Variants in MAML2 observed in about 807,000 individuals in gnomAD.
MAML2 encodes the protein mastermind-like protein 2.
MAML2 carries 22 observed loss-of-function variants against 96.1 expected under a neutral mutation model. The observed-to-expected ratio is 0.23, with a 90% confidence interval of 0.16 to 0.33. The LOEUF (loss-of-function observed/expected upper bound fraction) is 0.33. Ranked by LOEUF, MAML2 falls within the 10% of genes least tolerant of loss-of-function variation. The probability of loss-of-function intolerance (pLI) is 1.00; values close to 1 mark genes in which losing one functional copy is unlikely to be tolerated. For missense variants in MAML2, 1,367 were observed against 1,392.4 expected, an observed-to-expected ratio of 0.98 and a Z score of 0.29; for synonymous variants, 561 against 521.3, an observed-to-expected ratio of 1.08 and a Z score of -1.04.
At chr11:96,156,753 C>T (rs1861017045) in intron 1 of MAML2, among the ~76,000 whole-genome samples, 1 of 152,174 alleles carries the variant, frequency 6.6e-6, no homozygotes, top group African/African-American at 2.4e-5. Context: ...GATTAAATAA[C>T]AACAACAACA....
At chr11:96,209,291 A>G (rs931407641) in intron 1 of MAML2, among the ~76,000 whole-genome samples, 14 of 152,132 alleles carry the variant, frequency 9.2e-5, no homozygotes, top group African/African-American at 3.1e-4. Context: ...CTCAAATTTT[A>G]TAATAAAAGC....
intron 1 of MAML2, among the ~76,000 whole-genome samples, chr11:96,114,293 C>T (rs1189208371): frequency 2.6e-5 from 4 of 152,282 alleles, no homozygotes; most frequent in Admixed American, 1.3e-4. Flanking sequence ...CAAAAATATT[C>T]CAGACTGAGA....
chr11:96,134,535 T>C (rs1860597370), intron 1 of MAML2, among the ~76,000 whole-genome samples: 1 of 152,254 alleles, frequency 6.6e-6, no homozygotes, highest in African/African-American at 2.4e-5. Flanking sequence ...GCAGTCAAAC[T>C]CTTGTTCAAA....
chr11:96,054,876 A>T (rs1480539662), intron 2 of MAML2, among the ~76,000 whole-genome samples: 24 of 152,274 alleles, frequency 1.6e-4, no homozygotes, highest in African/African-American at 5.5e-4. Context: ...GAAAAAAATA[A>T]ATTTTAAATA....
At chr11:95,982,097 G>A (rs1190612081) in intron 4 of MAML2, among the ~76,000 whole-genome samples, 1 of 152,102 alleles carries the variant, frequency 6.6e-6, no homozygotes, top group Non-Finnish European at 1.5e-5. Flanking sequence ...AATAAAAAAT[G>A]ATTTTAAAAA....
intron 1 of MAML2, among the ~76,000 whole-genome samples, chr11:96,183,366 TCCTTCCTCCTTC>T (rs1861518725): frequency 6.6e-6 from 1 of 150,544 alleles, no homozygotes; most frequent in Non-Finnish European, 1.5e-5. Context: ...CTTTCTCTCT[TCCTTCCTCCTTC>T]CCTTCCTCCG....
chr11:96,076,554 G>A (rs1272258617), intron 2 of MAML2, among the ~76,000 whole-genome samples: 1 of 151,956 alleles, frequency 6.6e-6, no homozygotes, highest in Non-Finnish European at 1.5e-5. Context: ...GGAAGCCTCG[G>A]CATCTGAATT....
chr11:96,086,315 T>C (rs1273303463), intron 2 of MAML2, among the ~76,000 whole-genome samples: 2 of 152,228 alleles, frequency 1.3e-5, no homozygotes, highest in Non-Finnish European at 2.9e-5. Context: ...TGTGAAACTC[T>C]AACAGTAATC....
At chr11:96,233,773 C>G (rs1862329357) in intron 1 of MAML2, among the ~76,000 whole-genome samples, 1 of 152,144 alleles carries the variant, frequency 6.6e-6, no homozygotes, top group Non-Finnish European at 1.5e-5. Context: ...TGATTTTCTC[C>G]TAGGCCAGTT....
At chr11:96,337,255 C>T (rs970936407) in intron 1 of MAML2, among the ~76,000 whole-genome samples, 3 of 152,230 alleles carry the variant, frequency 2.0e-5, no homozygotes, top group East Asian at 1.9e-4. Flanking sequence ...CCTAGGAGGA[C>T]ATTTATCATG....
In MAML2 at chr11:96,326,738, C is replaced by T. The variant is rs140206945; in HGVS notation, c.513+14645G>A. Among the ~76,000 whole-genome samples, 34 of 150,412 alleles carry T rather than the reference C, an allele frequency of 2.3e-4. No homozygotes were observed. In the East Asian group the frequency reaches 5.2e-3, roughly 23 times the overall value. On this transcript the variant is annotated intron_variant, in intron 1 of 4. Coordinates refer to ENST00000524717, the MANE Select transcript of MAML2 (RefSeq NM_032427.4). ...CGAGATCGCACAATTGCACTCCAGC[C>T]GGGCAACAAGAGCAAAAGTCTGTCA...
intron 1 of MAML2, among the ~76,000 whole-genome samples, chr11:96,110,931 T>C (rs1860109153): frequency 6.6e-6 from 1 of 152,234 alleles, no homozygotes; most frequent in African/African-American, 2.4e-5. Flanking sequence ...GGACTTGCTT[T>C]TGACCAGACA....
chr11:96,152,772 T>C (rs1471653722), intron 1 of MAML2, among the ~76,000 whole-genome samples: 4 of 152,206 alleles, frequency 2.6e-5, no homozygotes, highest in African/African-American at 9.7e-5. Context: ...GAGAGGAGTT[T>C]TGCTGGGAGA....
At chr11:95,990,851 C>A (rs1591079771) in intron 3 of MAML2, among the ~76,000 whole-genome samples, 1 of 152,188 alleles carries the variant, frequency 6.6e-6, no homozygotes, top group East Asian at 1.9e-4. Flanking sequence ...GAAACCAGGG[C>A]TGAGCAGATA....
At chr11:96,043,986 T>C (rs967223906) in intron 2 of MAML2, among the ~76,000 whole-genome samples, 4 of 152,226 alleles carry the variant, frequency 2.6e-5, no homozygotes, top group Non-Finnish European at 4.4e-5. Flanking sequence ...AGGTGAGTAA[T>C]GGCCCAGGGC....
At chr11:96,220,300 T>C (rs1391075782) in intron 1 of MAML2, among the ~76,000 whole-genome samples, 1 of 152,140 alleles carries the variant, frequency 6.6e-6, no homozygotes, top group Non-Finnish European at 1.5e-5. Flanking sequence ...CCTTTAAACC[T>C]GCAGATTTAA....
At chr11:96,145,161 C>T (rs903756445) in intron 1 of MAML2, among the ~76,000 whole-genome samples, 6 of 152,192 alleles carry the variant, frequency 3.9e-5, no homozygotes, top group African/African-American at 1.4e-4. Flanking sequence ...GAAACTGAAG[C>T]TCAGAGAGGT....
intron 2 of MAML2, among the ~76,000 whole-genome samples, chr11:96,043,046 T>A (rs1858842028): frequency 6.6e-6 from 1 of 152,130 alleles, no homozygotes; most frequent in Non-Finnish European, 1.5e-5. Flanking sequence ...ACCCGGCGAA[T>A]CCTTAACATT....
At chr11:96,326,742 C>T (rs954055399) in intron 1 of MAML2, among the ~76,000 whole-genome samples, 1 of 150,268 alleles carries the variant, frequency 6.7e-6, no homozygotes, top group East Asian at 1.9e-4. Flanking sequence ...TCCAGCCGGG[C>T]AACAAGAGCA....
Sources: allele counts gnomAD v4.1 joint callset (sites outside exome capture counted in the v4.1 genomes callset), GRCh38; gene constraint gnomAD v4.1.1; transcripts MANE v1.5; gene names NCBI Gene and HGNC (gene_info 2026-07-23, HGNC 2026-07-21).